The following SNAP47 variants were observed in gnomAD, a reference collection of about 807,000 sequenced individuals.
SNAP47 encodes synaptosome associated protein 47, also known as synaptosomal-associated protein 47.
In SNAP47, 20 loss-of-function variants were observed where a neutral mutation model predicts 31.4. The ratio of observed to expected loss-of-function variants is 0.64; its 90% CI spans 0.45 to 0.93. The LOEUF (loss-of-function observed/expected upper bound fraction) is 0.93. SNAP47 is among the 40% of genes least tolerant of loss of function. The pLI is 0.00. For synonymous variants in SNAP47, 194 were observed against 213.4 expected (o/e 0.91, Z 0.79); for missense variants, 492 against 528.5 (o/e 0.93, Z 0.68).
intron 2 of SNAP47, among the ~76,000 whole-genome samples, chr1:227,753,824 G>C (rs1359319725): frequency 2.0e-5 from 3 of 152,030 alleles, no homozygotes; most frequent in African/African-American, 7.2e-5. Context: ...CCTCCTAGGG[G>C]AGCATACAGA....
chr1:227,736,598 A>G (rs1028778758), intron 1 of SNAP47: 2 of 128,352 alleles, frequency 1.6e-5, no homozygotes, highest in African/African-American at 5.9e-5. Context: ...GGGCTTGATG[A>G]ATTCTTTAAT....
At chr1:227,765,676 C>G (rs889098079) in intron 3 of SNAP47, among the ~76,000 whole-genome samples, 1 of 152,182 alleles carries the variant, frequency 6.6e-6, no homozygotes, top group African/African-American at 2.4e-5. Flanking sequence ...CAATCTGTCC[C>G]GCTGGTGCTA....
intron 2 of SNAP47, 121 bp downstream of exon 2, chr1:227,748,354 C>T (rs1229520035): frequency 7.0e-6 from 8 of 1,150,150 alleles, no homozygotes; most frequent in Non-Finnish European, 9.6e-6. Context: ...TTCTGAGATC[C>T]TGGCTGTGCA....
rs138416373 is a variant in SNAP47 at position 227,744,612 on chromosome 1, G to A, written c.-45-3080G>A. ...TTCCTCCTCATCCTTCTGTGTGTGA[G>A]CTTTTGTGGTTAGGTGTTGTCTATG... On this transcript the variant is annotated intron_variant, in intron 1 of 4. Coordinates refer to ENST00000617596, the MANE Select transcript of SNAP47 (RefSeq NM_053052.4). Among the ~76,000 whole-genome samples the A allele has an allele frequency of 6.2e-3, 932 of 149,238 alleles. 5 individuals carry two copies. Among genetic ancestry groups the A allele is most frequent in the Non-Finnish European group, 8.4e-3 (565 of 67,662 alleles).
chr1:227,759,386 C>T lies in SNAP47; in HGVS notation c.889C>T (p.Gln297Ter). The T allele has an allele frequency of 6.2e-7, 1 of 1,614,188 alleles. No homozygotes were observed. Among genetic ancestry groups the T allele is most frequent in the Non-Finnish European group, 8.5e-7 (1 of 1,180,052 alleles). ...AGAGGTTATCCCCATTTTAGAAGTGCAGTTCAGCAAGAAGATGGAGCTGTT... is the reference window on the plus strand; with the variant it reads ...AGAGGTTATCCCCATTTTAGAAGTGTAGTTCAGCAAGAAGATGGAGCTGTT... ...MPEVIPILEV[Q>*]FSKKMELLED... The change falls in exon 3 of 5, where the codon CAG becomes TAG. Residue 297 changes from glutamine (Q) to a stop codon, truncating the protein, a stop_gained. Coordinates refer to ENST00000617596, the MANE Select transcript of SNAP47 (RefSeq NM_053052.4). LOFTEE classifies it high-confidence loss of function.
intron 4 of SNAP47, among the ~76,000 whole-genome samples, chr1:227,779,426 G>A (rs1261485828): frequency 4.6e-5 from 7 of 152,156 alleles, no homozygotes; most frequent in Admixed American, 3.9e-4. Flanking sequence ...CCAGGGCTCA[G>A]GAGTGCTGTT....
In SNAP47 at chr1:227,770,615, G is replaced by T. The variant is rs917533662; in HGVS notation, c.1113+3532G>T. 3 of 154,770 alleles carry T rather than the reference G, an allele frequency of 1.9e-5. No homozygotes were observed. In the Admixed American group the frequency reaches 2.0e-4, roughly 10 times the overall value. 9.6% of individuals were successfully genotyped at this position (154,770 alleles called of 1,614,324 possible). A position where few individuals can be genotyped will look rare whatever the true frequency, so the allele number is the denominator to read the frequency against. On this transcript the variant is annotated intron_variant, in intron 4 of 4. Coordinates refer to ENST00000617596, the MANE Select transcript of SNAP47 (RefSeq NM_053052.4). ...ATCTTCCTCAGGGACCCCCGTTCCT[G>T]GTCTGGCTTCCCTCACTTCCCTATC... is the stretch of plus-strand genomic sequence containing the variant.
chr1:227,757,580 G>A (rs1168286970), intron 2 of SNAP47, among the ~76,000 whole-genome samples: 1 of 152,234 alleles, frequency 6.6e-6, no homozygotes. Context: ...AACTCTTGCT[G>A]AGGTCATATA....
upstream of SNAP47, chr1:227,733,123 C>T: frequency 7.3e-7 from 1 of 1,366,498 alleles, no homozygotes; most frequent in Non-Finnish European, 1.0e-6. Context: ...TGGGGTCCAG[C>T]CCTCTGCAGC....
chr1:227,751,680 A>G (rs1662364352), intron 2 of SNAP47, among the ~76,000 whole-genome samples: 2 of 150,498 alleles, frequency 1.3e-5, no homozygotes, highest in African/African-American at 4.9e-5. Flanking sequence ...AATCTGACAC[A>G]GGATTTTGAA....
At chr1:227,774,156 T>C (rs1664016276) in intron 4 of SNAP47, among the ~76,000 whole-genome samples, 1 of 152,212 alleles carries the variant, frequency 6.6e-6, no homozygotes, top group South Asian at 2.1e-4. Flanking sequence ...AATGGGCTCC[T>C]GCGGTTGTAG....
chr1:227,729,687 G>A (rs1346972629), intron 1 of SNAP47, among the ~76,000 whole-genome samples: 1 of 152,166 alleles, frequency 6.6e-6, no homozygotes, highest in East Asian at 1.9e-4. Flanking sequence ...CTTCTCCGGA[G>A]GCCACAGCCC....
chr1:227,735,670 T>G, intron 1 of SNAP47, 171 bp downstream of exon 1: 3 of 984,956 alleles, frequency 3.0e-6, no homozygotes, highest in Non-Finnish European at 2.4e-6. Context: ...CAGAGGCGGT[T>G]CTGGGGGCGG....
At chr1:227,775,814 C>G in intron 4 of SNAP47, 2 of 1,304,178 alleles carry the variant, frequency 1.5e-6, no homozygotes, top group South Asian at 2.5e-5. Flanking sequence ...TCGCTGTCAA[C>G]CCAGACAGTG....
intron 4 of SNAP47, chr1:227,777,217 T>C: frequency 1.9e-6 from 1 of 513,774 alleles, no homozygotes; most frequent in Non-Finnish European, 2.5e-6. Context: ...GTAGTGAAGT[T>C]TTCCATACAT....
At position 227,748,156 on chromosome 1, in the gene SNAP47, G is replaced by A. The variant is rs555487503; in HGVS notation, c.420G>A (p.Leu140=). 6.2e-7 allele frequency: 1 copy of A among 1,613,456 alleles called. No individual in the cohort carries two copies. The highest frequency in any genetic ancestry group is 1.7e-5 in the Admixed American group (1 of 59,972). The part of the protein sequence containing the change: ...QKRLEDTARV[L]HHQGQQLDSV... ...GCCTGGAGGACACGGCGAGGGTCCT[G>A]CACCACCAGGGCCAGCAGCTGGACA... The change falls in exon 2 of 5, where the codon CTG becomes CTA. Residue 140 remains leucine (L), a synonymous_variant. Coordinates refer to ENST00000617596, the MANE Select transcript of SNAP47 (RefSeq NM_053052.4).
chr1:227,779,795 C>A (rs1229799616), intron 4 of SNAP47, among the ~76,000 whole-genome samples: 3 of 152,158 alleles, frequency 2.0e-5, no homozygotes, highest in African/African-American at 7.2e-5. Context: ...TAGCTCATCG[C>A]CCCTGCTGCA....
At chr1:227,776,888 GA>G in intron 4 of SNAP47, 1 of 985,422 alleles carries the variant, frequency 1.0e-6, no homozygotes, top group Non-Finnish European at 1.2e-6. Context: ...AACGTAGTGA[GA>G]CATTTTCAAA....
rs529292986 is a variant in SNAP47, at chr1:227,775,706, C to T, written c.1114-4821C>T. The T allele has an allele frequency of 4.7e-5, 60 of 1,266,820 alleles. 1 individual carries two copies. In the South Asian group the frequency reaches 6.8e-4, roughly 14 times the overall value. 78.5% of individuals were successfully genotyped at this position (1,266,820 alleles called of 1,614,324 possible). ...GGTGGGCCCACCCTACTTCATTAGG[C>T]TATTTTTCTATATTTATTTTTTGCC... On this transcript the variant is annotated intron_variant, in intron 4 of 4. Transcript: ENST00000617596.
Sources: allele counts gnomAD v4.1 joint callset (sites outside exome capture counted in the v4.1 genomes callset), GRCh38; gene constraint gnomAD v4.1.1; transcripts MANE v1.5; gene names NCBI Gene and HGNC (gene_info 2026-07-23, HGNC 2026-07-21).